MTHFD1L: variants seen among roughly 807,000 people sequenced by gnomAD.
MTHFD1L encodes methylenetetrahydrofolate dehydrogenase (NADP+ dependent) 1 like.
Under a neutral mutation model 119.5 loss-of-function variants are expected in MTHFD1L, and 81 were observed. The observed-to-expected ratio is 0.68, with a 90% CI of 0.57 to 0.82. MTHFD1L has a LOEUF of 0.82. MTHFD1L is among the 40% of genes least tolerant of loss of function. MTHFD1L has a pLI of 0.00. For missense variants in MTHFD1L, 1,125 were observed against 1,253.4 expected, an observed-to-expected ratio of 0.90 and a Z score of 1.55; for synonymous variants, 430 against 475.2, an observed-to-expected ratio of 0.90 and a Z score of 1.24.
At chr6:150,991,046 G>A (rs144415530) in intron 20 of MTHFD1L, among the ~76,000 whole-genome samples, 1,965 of 151,348 alleles carry the variant, frequency 0.013, 28 homozygotes, top group Non-Finnish European at 0.019. Context: ...TAGTAGAGAC[G>A]GAGTTTCGCC....
At chr6:150,941,892 A>C (rs1793182164) in intron 13 of MTHFD1L, among the ~76,000 whole-genome samples, 1 of 152,218 alleles carries the variant, frequency 6.6e-6, no homozygotes, top group Non-Finnish European at 1.5e-5. Context: ...AGTTCAATAG[A>C]AACATCGAAA....
intron 20 of MTHFD1L, among the ~76,000 whole-genome samples, chr6:151,004,423 C>T (rs1003227685): frequency 3.9e-5 from 6 of 152,198 alleles, no homozygotes; most frequent in Admixed American, 2.6e-4. Flanking sequence ...ATGTAGAAAT[C>T]GTCTCTCCCT....
intron 26 of MTHFD1L, among the ~76,000 whole-genome samples, chr6:151,090,923 CATGCGACTGGGTGCAGCATCGTT>C (rs1562651330): frequency 0.022 from 3,104 of 137,982 alleles, 522 homozygotes; most frequent in African/African-American, 0.054. Flanking sequence ...AGCATCGTTC[CATGCGACTGGGTGCAGCATCGTT>C]CCATGCGACT....
intron 5 of MTHFD1L, among the ~76,000 whole-genome samples, chr6:150,883,690 A>G (rs1781738513): frequency 6.6e-6 from 1 of 152,182 alleles, no homozygotes; most frequent in African/African-American, 2.4e-5. Flanking sequence ...CCTGTGATTC[A>G]TGTCATGGAG....
At chr6:150,994,081 G>A (rs57597644) in intron 20 of MTHFD1L, among the ~76,000 whole-genome samples, 18,599 of 102,844 alleles carry the variant, frequency 0.18, 2,120 homozygotes, top group African/African-American at 0.27. Flanking sequence ...AAAAAAAAAA[G>A]AAAGAAAGAA....
chr6:150,965,764 T>C (rs1387509837), intron 19 of MTHFD1L, among the ~76,000 whole-genome samples: 1 of 152,240 alleles, frequency 6.6e-6, no homozygotes, highest in Non-Finnish European at 1.5e-5. Flanking sequence ...AATCATTGAG[T>C]TGTGGATTTT....
intron 18 of MTHFD1L, among the ~76,000 whole-genome samples, chr6:150,963,320 G>A (rs1266016996): frequency 6.7e-6 from 1 of 150,330 alleles, no homozygotes; most frequent in Non-Finnish European, 1.5e-5. Context: ...AGTTACGTAG[G>A]AATATAGTTA....
At chr6:150,876,832 A>T (rs182712764) in intron 2 of MTHFD1L, among the ~76,000 whole-genome samples, 6 of 152,336 alleles carry the variant, frequency 3.9e-5, no homozygotes, top group Admixed American at 2.6e-4. Context: ...GTATCAAAAT[A>T]GCAGCCTCTG....
At chr6:150,920,939 A>ATTTTTTTTTTTTTTTTTTTTT (rs869169480) in intron 9 of MTHFD1L, among the ~76,000 whole-genome samples, 1 of 96,874 alleles carries the variant, frequency 1.0e-5, no homozygotes. Context: ...CACCCAGATA[A>ATTTTTTTTTTTTTTTTTTTTT]TTTTTTTTTT....
At chr6:150,945,588 CG>C in intron 15 of MTHFD1L, 47 bp downstream of exon 15, 1 of 1,547,672 alleles carries the variant, frequency 6.5e-7, no homozygotes. Flanking sequence ...ATCGTAGAAA[CG>C]CATCAGAAAG....
intron 1 of MTHFD1L, among the ~76,000 whole-genome samples, chr6:150,868,344 T>C (rs1337820899): frequency 2.0e-5 from 3 of 151,436 alleles, no homozygotes; most frequent in African/African-American, 7.3e-5. Flanking sequence ...TATTAATTTT[T>C]TTTTTTTTTT....
rs1354598143 is a variant in MTHFD1L at position 150,900,205 on chromosome 6, AC to A, written c.781-5443del. ...AGTTCCTAATTGCCAAAAGTGAGTCACCGGTAGTTCCTAATTGCCAAAAGTG... is the reference window on the plus strand; with the variant it reads ...AGTTCCTAATTGCCAAAAGTGAGTCACGGTAGTTCCTAATTGCCAAAAGTG... On this transcript the variant is annotated intron_variant, in intron 7 of 27. Coordinates refer to ENST00000367321, the MANE Select transcript of MTHFD1L (RefSeq NM_015440.5). 2.6e-5 allele frequency among the ~76,000 whole-genome samples: 4 copies of A among 151,970 alleles called. No homozygotes were observed. The East Asian group carries it at 7.8e-4, about 30-fold the overall frequency.
intron 16 of MTHFD1L, among the ~76,000 whole-genome samples, chr6:150,949,858 C>T (rs527490866): frequency 6.6e-6 from 1 of 152,306 alleles, no homozygotes; most frequent in South Asian, 2.1e-4. Flanking sequence ...AGGTCGCATG[C>T]ATGTTCTTGG....
chr6:150,907,960 T>C (rs527512118), intron 8 of MTHFD1L, among the ~76,000 whole-genome samples: 1 of 151,038 alleles, frequency 6.6e-6, no homozygotes, highest in East Asian at 2.0e-4. Flanking sequence ...GCAGTGGGTG[T>C]GATCTTGGCT....
Position 151,069,251 on chromosome 6 carries a change from T to TTCTTTC in MTHFD1L, c.2848-23213_2848-23212insTTCTCT, listed in dbSNP as rs1554297593. ...AGGCCCAAAACTATCTTCTCTCTCT[T>TTCTTTC]TCTCTCTCTCTCTCTCTCTCTCTCT... On this transcript the variant is annotated intron_variant, in intron 26 of 27. Coordinates refer to ENST00000367321, the MANE Select transcript of MTHFD1L (RefSeq NM_015440.5). 3.7e-5 allele frequency among the ~76,000 whole-genome samples: 5 copies of TTCTTTC among 136,592 alleles called. No individual in the cohort carries two copies. The Admixed American group carries it at 3.7e-4, about 10-fold the overall frequency. The allele number at this position is 136,592 out of a possible 152,430, so 89.6% of individuals were successfully genotyped here. A position where few individuals can be genotyped will look rare whatever the true frequency, so the allele number is the denominator to read the frequency against.
chr6:150,979,902 A>G (rs1777199063), intron 20 of MTHFD1L, among the ~76,000 whole-genome samples: 1 of 151,994 alleles, frequency 6.6e-6, no homozygotes, highest in Non-Finnish European at 1.5e-5. Context: ...TATTGCCCTG[A>G]AATTCTAAAT....
intron 26 of MTHFD1L, chr6:151,041,905 C>A (rs1787180860): frequency 2.1e-6 from 1 of 474,984 alleles, no homozygotes; most frequent in Non-Finnish European, 4.3e-6. Flanking sequence ...GAGCTTTTTT[C>A]CGCTCCAGAT....
rs566582815 is a variant in MTHFD1L, at chr6:150,935,220, T to C, written c.1257-1584T>C. The C allele has an allele frequency of 2.5e-6, 4 of 1,611,954 alleles. No individual in the cohort carries two copies. In the African/African-American group the frequency reaches 5.3e-5, roughly 22 times the overall value. On this transcript the variant is annotated intron_variant, in intron 11 of 27. Transcript: ENST00000367321. ...GGTGGTCAGGAGAAATTAAGGCCACTGTGGAAGTCATATACCAGATGCACA... is the reference window on the plus strand; with the variant it reads ...GGTGGTCAGGAGAAATTAAGGCCACCGTGGAAGTCATATACCAGATGCACA...
intron 20 of MTHFD1L, among the ~76,000 whole-genome samples, chr6:150,996,985 C>A (rs2128457379): frequency 6.6e-6 from 1 of 152,284 alleles, no homozygotes; most frequent in South Asian, 2.1e-4. Context: ...AGAACACTGA[C>A]CGAATCCCAG....
Sources: allele counts gnomAD v4.1 joint callset (sites outside exome capture counted in the v4.1 genomes callset), GRCh38; gene constraint gnomAD v4.1.1; transcripts MANE v1.5; gene names NCBI Gene and HGNC (gene_info 2026-07-23, HGNC 2026-07-21).